Variants in TNKS observed in about 807,000 individuals in gnomAD.
The protein encoded by TNKS is tankyrase.
TNKS carries 72 observed loss-of-function variants against 135.8 expected under a neutral mutation model. The observed-to-expected ratio is 0.53, with a 90% CI of 0.44 to 0.64. TNKS has a LOEUF of 0.64. Ranked by LOEUF, TNKS falls within the 30% of genes least tolerant of loss-of-function variation. The pLI, the probability that TNKS is intolerant of heterozygous loss-of-function variation, is 0.00. For synonymous variants in TNKS, 849 were observed against 649.3 expected, an observed-to-expected ratio of 1.31 and a Z score of -4.68; for missense variants, 1,769 against 1,674.0, an observed-to-expected ratio of 1.06 and a Z score of -0.99.
At chr8:9,625,948 T>C (rs960149810) in intron 3 of TNKS, among the ~76,000 whole-genome samples, 1 of 152,144 alleles carries the variant, frequency 6.6e-6, no homozygotes, top group African/African-American at 2.4e-5. Flanking sequence ...TATCATTGAG[T>C]TCTATATCCT....
chr8:9,604,940 C>A (rs996209808), intron 2 of TNKS, among the ~76,000 whole-genome samples: 5 of 151,924 alleles, frequency 3.3e-5, no homozygotes, highest in Non-Finnish European at 7.4e-5. Flanking sequence ...GCAATTTTCT[C>A]TTTAGCTGTT....
chr8:9,772,248 C>T, intron 26 of TNKS: 2 of 375,658 alleles, frequency 5.3e-6, no homozygotes, highest in Non-Finnish European at 1.1e-5. Flanking sequence ...TACAGACTTA[C>T]TTTCAAAGGG....
chr8:9,741,600 G>C (rs769284913), intron 17 of TNKS: 5 of 393,846 alleles, frequency 1.3e-5, no homozygotes, highest in Admixed American at 1.1e-4. Context: ...CTTTATAGCT[G>C]TCACAGAGGA....
intron 20 of TNKS, among the ~76,000 whole-genome samples, chr8:9,760,530 A>C (rs1480042941): frequency 6.6e-6 from 1 of 152,226 alleles, no homozygotes; most frequent in East Asian, 1.9e-4. Context: ...CATGTCTATA[A>C]AAGGATTTCT....
At chr8:9,570,448 C>T (rs1437102636) in intron 1 of TNKS, among the ~76,000 whole-genome samples, 1 of 152,182 alleles carries the variant, frequency 6.6e-6, no homozygotes, top group East Asian at 1.9e-4. Flanking sequence ...CTGGGCAGAA[C>T]CACCAGTCCC....
chr8:9,567,899 A>G (rs899714311), intron 1 of TNKS, among the ~76,000 whole-genome samples: 14 of 152,206 alleles, frequency 9.2e-5, no homozygotes, highest in African/African-American at 3.4e-4. Flanking sequence ...AAAAATGGTT[A>G]TGATGGCAAA....
chr8:9,717,103 T>TATATATATATATATTTA (rs1554476739), intron 11 of TNKS, among the ~76,000 whole-genome samples: 913 of 38,928 alleles, frequency 0.023, 27 homozygotes, highest in Non-Finnish European at 0.043. Context: ...ATATATATAT[T>TATATATATATATATTTA]TTCAGGGAAT....
At chr8:9,688,284 G>A (rs1412987167) in intron 5 of TNKS, among the ~76,000 whole-genome samples, 1 of 152,136 alleles carries the variant, frequency 6.6e-6, no homozygotes, top group Non-Finnish European at 1.5e-5. Context: ...GTAAAAAAAG[G>A]CTTGTTTAGG....
intron 3 of TNKS, among the ~76,000 whole-genome samples, chr8:9,654,334 CTACTAG>C (rs1801263287): frequency 6.6e-6 from 1 of 151,942 alleles, no homozygotes; most frequent in Non-Finnish European, 1.5e-5. Flanking sequence ...TATTCTTAAC[CTACTAG>C]TACTGCTAAC....
At chr8:9,661,489 T>G (rs1412779273) in intron 3 of TNKS, among the ~76,000 whole-genome samples, 1 of 152,062 alleles carries the variant, frequency 6.6e-6, no homozygotes, top group Non-Finnish European at 1.5e-5. Flanking sequence ...GGGGAAAGGA[T>G]TCCCTATTTA....
chr8:9,729,194 A>G (rs6992666), intron 13 of TNKS, among the ~76,000 whole-genome samples: 1 of 151,912 alleles, frequency 6.6e-6, no homozygotes, highest in East Asian at 1.9e-4. Flanking sequence ...CCTTAAGCCC[A>G]CATTCAGGAG....
chr8:9,668,658 G>C (rs1802118345), intron 3 of TNKS, among the ~76,000 whole-genome samples: 2 of 152,336 alleles, frequency 1.3e-5, no homozygotes, highest in Middle Eastern at 3.4e-3. Flanking sequence ...CATGAAGGAA[G>C]TTATGTGTAA....
At position 9,556,503 on chromosome 8, in the gene TNKS, G is replaced by A. The variant is rs376233355; in HGVS notation, c.564G>A (p.Glu188=). ...AVSGALRELL[E]ACRNGDVSRV... ...GCGGGGCCCTACGGGAACTGCTGGA[G>A]GCCTGTCGCAATGGGGACGTGTCCC... Residue 188 remains glutamate, a synonymous_variant, in exon 1 of 27, where the codon GAG becomes GAA. Coordinates refer to ENST00000310430, the MANE Select transcript of TNKS (RefSeq NM_003747.3). 2 of 1,614,076 alleles carry A rather than the reference G, an allele frequency of 1.2e-6. No homozygotes were observed. The highest frequency in any genetic ancestry group is 1.3e-5 in the African/African-American group (1 of 74,936).
intron 1 of TNKS, among the ~76,000 whole-genome samples, 193 bp from the exon 2 acceptor site, chr8:9,579,966 A>T (rs1183930343): frequency 6.6e-6 from 1 of 152,240 alleles, no homozygotes; most frequent in Non-Finnish European, 1.5e-5. Context: ...AGACTAAAGG[A>T]AGAGCTTCCT....
chr8:9,742,186 G>C (rs1222788618), intron 17 of TNKS, among the ~76,000 whole-genome samples: 4 of 152,076 alleles, frequency 2.6e-5, no homozygotes, highest in Non-Finnish European at 5.9e-5. Flanking sequence ...TGTGAGGGTG[G>C]ATTGAGTCAC....
intron 15 of TNKS, 24 bp from the exon 16 acceptor site, chr8:9,734,841 C>T: frequency 1.9e-6 from 3 of 1,594,208 alleles, no homozygotes; most frequent in South Asian, 1.1e-5. Context: ...AATACAAACC[C>T]CATTTGGTTT....
At chr8:9,743,840 A>C (rs1182092180) in intron 17 of TNKS, among the ~76,000 whole-genome samples, 1 of 152,232 alleles carries the variant, frequency 6.6e-6, no homozygotes, top group East Asian at 1.9e-4. Context: ...TCACTCCTAC[A>C]TTTCACAGCC....
intron 26 of TNKS, among the ~76,000 whole-genome samples, chr8:9,775,163 T>C (rs928718545): frequency 4.6e-5 from 7 of 152,128 alleles, no homozygotes; most frequent in Non-Finnish European, 1.0e-4. Context: ...CTAGATTTTT[T>C]TATACCCAAC....
intron 4 of TNKS, 115 bp from the exon 5 acceptor site, chr8:9,680,610 C>A: frequency 1.5e-6 from 1 of 657,166 alleles, no homozygotes; most frequent in Non-Finnish European, 2.7e-6. Flanking sequence ...TATTGTGATC[C>A]ATGTAAAAGA....
Sources: allele counts gnomAD v4.1 joint callset (sites outside exome capture counted in the v4.1 genomes callset), GRCh38; gene constraint gnomAD v4.1.1; transcripts MANE v1.5; gene names NCBI Gene and HGNC (gene_info 2026-07-23, HGNC 2026-07-21).